The following PPOX variants were observed in gnomAD, a reference collection of about 807,000 sequenced individuals.
PPOX encodes variegate porphyria.
Under a neutral mutation model 54.1 loss-of-function variants are expected in PPOX, and 23 were observed. That is an observed-to-expected ratio of 0.43 (90% confidence interval 0.31 to 0.60). PPOX has a LOEUF of 0.60. Among genes scored for constraint, PPOX ranks in the 20% least tolerant of loss-of-function variants. PPOX has a pLI of 0.13. For synonymous variants in PPOX, 224 were observed against 236.1 expected (o/e 0.95, Z 0.47); for missense variants, 512 against 601.1 (o/e 0.85, Z 1.55).
rs756744938 is a variant in PPOX, at chr1:161,169,737, C to G, written c.868+17C>G. 1.9e-6 allele frequency: 3 copies of G among 1,614,088 alleles called. No individual in the cohort carries two copies. The highest frequency in any genetic ancestry group is 2.5e-6 in the Non-Finnish European group (3 of 1,179,918). On this transcript the variant is annotated intron_variant, in intron 8 of 12. Coordinates refer to ENST00000367999, the MANE Select transcript of PPOX (RefSeq NM_001122764.3). ...CAGCTTCAGGTAATGGAATAGCCAC[C>G]TTCCCCTTCCCCAACCCCTACCAGT...
At chr1:161,176,064 G>A (rs745810196), downstream of PPOX, 2 of 1,613,924 alleles carry the variant, frequency 1.2e-6, no homozygotes, top group Non-Finnish European at 1.7e-6. Flanking sequence ...GCAACATCCT[G>A]GGGGTGAGAT....
downstream of PPOX, chr1:161,171,454 G>A: frequency 1.7e-6 from 1 of 603,086 alleles, no homozygotes; most frequent in East Asian, 2.9e-5. Flanking sequence ...ACCATAAATA[G>A]AATAAATATT....
At chr1:161,173,942 C>T (rs1263173392), downstream of PPOX, 5 of 1,614,068 alleles carry the variant, frequency 3.1e-6, no homozygotes, top group Admixed American at 6.7e-5. Flanking sequence ...CATTTTCTGG[C>T]AAGAGGTCCA....
rs754313121 is a variant in PPOX at position 161,171,045 on chromosome 1, C to T, written c.1303C>T (p.Gln435Ter). 1.4e-5 allele frequency: 22 copies of T among 1,614,084 alleles called. No individual in the cohort carries two copies. The highest frequency in any genetic ancestry group is 1.9e-5 in the Non-Finnish European group (22 of 1,180,046). Residue 435 changes from glutamine (Q) to a stop codon, truncating the protein, a stop_gained, in exon 13 of 13, where the codon CAA becomes TAA. Coordinates refer to ENST00000367999, the MANE Select transcript of PPOX (RefSeq NM_001122764.3). LOFTEE classifies it high-confidence loss of function. ...TCCTTTCCTTCCAGAGTCAGCTAGG[C>T]AATTCCTGACTGCTCACAGGTTGCC... ...GHWQKLESAR[Q>*]FLTAHRLPLT...
chr1:161,173,110 T>C (rs1662082783), downstream of PPOX, among the ~76,000 whole-genome samples: 1 of 152,214 alleles, frequency 6.6e-6, no homozygotes, highest in Non-Finnish European at 1.5e-5. Context: ...CAATTGGTCC[T>C]GCATACCAAG....
intron 4 of PPOX, chr1:161,176,842 C>G (rs1395546519): frequency 4.0e-5 from 62 of 1,534,606 alleles, no homozygotes; most frequent in Non-Finnish European, 5.3e-5. Flanking sequence ...ACATTGTTTT[C>G]CCCCAGACCA....
Position 161,168,471 on chromosome 1 carries a change from T to C in PPOX, c.511T>C (p.Phe171Leu). 6.2e-7 allele frequency: 1 copy of C among 1,614,144 alleles called. No homozygotes were observed. Among genetic ancestry groups the C allele is most frequent in the Non-Finnish European group, 8.5e-7 (1 of 1,180,018 alleles). Residue 171 changes from phenylalanine to leucine, a missense_variant, in exon 6 of 13, where the codon TTT (phenylalanine) becomes CTT (leucine). Phe to Leu is a conservative substitution (Grantham distance 22). Coordinates refer to ENST00000367999, the MANE Select transcript of PPOX (RefSeq NM_001122764.3). ...LAMDSLCRGV[F>L]AGNSRELSIR... Reference sequence around the variant, plus strand: ...CATGGACAGTCTCTGCCGTGGAGTGTTTGCAGGCAACAGCCGTGAGCTCAG... The same window carrying C: ...CATGGACAGTCTCTGCCGTGGAGTGCTTGCAGGCAACAGCCGTGAGCTCAG...
In PPOX at chr1:161,168,701, A is replaced by G. The variant is rs954171074; in HGVS notation, c.616+125A>G. On this transcript the variant is annotated intron_variant, in intron 6 of 12. Coordinates refer to ENST00000367999, the MANE Select transcript of PPOX (RefSeq NM_001122764.3). The stretch of plus-strand genomic sequence containing the variant: ...GAGACGGAGTCTTGCTCTGCTGCCT[A>G]GGCTGGAGTGCAGTGGTGCAATCTC... 3.0e-6 allele frequency: 4 copies of G among 1,314,772 alleles called. No individual in the cohort carries two copies. In the African/African-American group the frequency reaches 5.8e-5, roughly 19 times the overall value. The allele number at this position is 1,314,772 out of a possible 1,614,324, so 81.4% of individuals were successfully genotyped here.
rs372271600 is a variant in PPOX, at chr1:161,167,258, G to A, written c.222+24G>A. On this transcript the variant is annotated intron_variant, in intron 3 of 12. Transcript: ENST00000367999. ...TGGTGAGAGGCTTGTGGGATGTCTAGGAGAGGTTGTGGAGGGGGCTTCCAT... is the reference window on the plus strand; with the variant it reads ...TGGTGAGAGGCTTGTGGGATGTCTAAGAGAGGTTGTGGAGGGGGCTTCCAT... The A allele has an allele frequency of 2.5e-6, 4 of 1,614,044 alleles. No homozygotes were observed. In the African/African-American group the frequency reaches 4.0e-5, roughly 16 times the overall value.
At chr1:161,169,375 G>T in intron 7 of PPOX, 192 bp downstream of exon 7, 1 of 737,438 alleles carries the variant, frequency 1.4e-6, no homozygotes. Context: ...GCAAGTCTGT[G>T]GATAGAAGTA....
At chr1:161,176,911 C>T (rs1571543409) in exon 5 of PPOX, 4 of 1,536,180 alleles carry the variant, frequency 2.6e-6, no homozygotes, top group Non-Finnish European at 3.5e-6. Flanking sequence ...CTAAGGAGTA[C>T]CCAGGGCGAA....
downstream of PPOX, chr1:161,171,902 G>A (rs1322731628): frequency 6.2e-6 from 10 of 1,614,070 alleles, no homozygotes; most frequent in Admixed American, 1.7e-5. Flanking sequence ...ATCTCTTGAC[G>A]GAAGGCTTGG....
At position 161,168,422 on chromosome 1, in the gene PPOX, C is replaced by G; in HGVS notation, c.472-10C>G. ...TTTTTTCGCTCCTTAGTCCTAGTCT[C>G]ACCCTTAAGGTGGCGTCTCTAGCCA... is the stretch of plus-strand genomic sequence containing the variant. On this transcript the variant is annotated splice_polypyrimidine_tract_variant and intron_variant, in intron 5 of 12. Transcript: ENST00000367999. The G allele has an allele frequency of 6.2e-7, 1 of 1,614,108 alleles. No individual in the cohort carries two copies. The highest frequency in any genetic ancestry group is 1.7e-5 in the Admixed American group (1 of 60,016).
downstream of PPOX, chr1:161,171,818 AGT>A (rs1406144003): frequency 6.2e-7 from 1 of 1,613,976 alleles, no homozygotes; most frequent in Non-Finnish European, 8.5e-7. Context: ...AGGAGGAGTC[AGT>A]GTGAACCTCG....
intron 5 of PPOX, 100 bp downstream of exon 5, chr1:161,168,227 G>T: frequency 6.3e-7 from 1 of 1,590,738 alleles, no homozygotes; most frequent in South Asian, 1.1e-5. Context: ...TATCATTTGG[G>T]GATGCCCTCT....
chr1:161,177,387 C>T, downstream of PPOX: 1 of 307,804 alleles, frequency 3.2e-6, no homozygotes, highest in Non-Finnish European at 6.3e-6. Flanking sequence ...ACCTTTATCC[C>T]AGGCCTCCGT....
At chr1:161,167,690 G>T (rs925590502) in intron 4 of PPOX, 1 of 767,032 alleles carries the variant, frequency 1.3e-6, no homozygotes, top group Non-Finnish European at 2.0e-6. Flanking sequence ...TCAGCCTCCC[G>T]AGTAGCTGGG....
At chr1:161,170,848 A>G (rs1661091302) in intron 11 of PPOX, 59 bp from the exon 12 acceptor site, 3 of 1,613,912 alleles carry the variant, frequency 1.9e-6, no homozygotes, top group Non-Finnish European at 2.5e-6. Context: ...ACTGTATGTC[A>G]GCCAAGGCCT....
chr1:161,166,918 C>T lies in PPOX; in HGVS notation c.71C>T (p.Ala24Val), dbSNP rs767225561. The T allele has an allele frequency of 2.7e-5, 43 of 1,613,404 alleles. No individual in the cohort carries two copies. The Admixed American group carries it at 7.0e-4, about 26-fold the overall frequency. Reference sequence around the variant, plus strand: ...GCCGCCAGTTACCACCTGAGCCGGGCCCCCTGCCCCCCTAAGGTGAGTGCT... The same window carrying T: ...GCCGCCAGTTACCACCTGAGCCGGGTCCCCTGCCCCCCTAAGGTGAGTGCT... ...GLAASYHLSRAPCPPKVVLVE... is the reference protein window; with the variant it reads ...GLAASYHLSRVPCPPKVVLVE... Residue 24 changes from alanine (A) to valine (V), a missense_variant, in exon 2 of 13, where the codon GCC (alanine) becomes GTC (valine). Transcript: ENST00000367999.
Sources: gnomAD v4.1 joint callset for allele counts (sites outside exome capture counted in the v4.1 genomes callset) on GRCh38, gnomAD v4.1.1 for gene constraint, MANE v1.5 for transcripts, NCBI Gene and HGNC (gene_info 2026-07-23, HGNC 2026-07-21) for gene names.